Variants in COL6A5 observed in about 807,000 individuals in gnomAD.
COL6A5 encodes the protein collagen alpha-5(VI) chain.
COL6A5 carries 48 observed loss-of-function variants against 65.6 expected under a neutral mutation model. That is an observed-to-expected ratio of 0.73 (90% CI 0.58 to 0.93). The LOEUF is 0.93. Among genes scored for constraint, COL6A5 ranks in the 40% least tolerant of loss-of-function variants. The pLI, the probability that COL6A5 is intolerant of heterozygous loss-of-function variation, is 0.00. For synonymous variants in COL6A5, 291 were observed against 322.8 expected, an observed-to-expected ratio of 0.90 and a Z score of 1.05; for missense variants, 914 against 928.3, an observed-to-expected ratio of 0.98 and a Z score of 0.20.
intron 1 of COL6A5, among the ~76,000 whole-genome samples, chr3:130,355,064 T>C (rs1346186237): frequency 6.6e-6 from 1 of 152,162 alleles, no homozygotes; most frequent in Non-Finnish European, 1.5e-5. Flanking sequence ...TTTTTTACTT[T>C]TGTTAATGTG....
At chr3:130,426,226 AT>A in exon 30 of COL6A5, 1 of 1,551,292 alleles carries the variant, frequency 6.4e-7, no homozygotes, top group South Asian at 1.2e-5. Flanking sequence ...CATTAAAGGC[AT>A]GGCAGGGCAG....
chr3:130,401,907 G>A, intron 12 of COL6A5, 53 bp downstream of exon 12: 1 of 1,292,872 alleles, frequency 7.7e-7, no homozygotes, highest in Admixed American at 2.0e-5. Flanking sequence ...TTTGGTACAG[G>A]TGGGACTGAG....
chr3:130,475,890 C>G (rs1710080367), intron 7 of COL6A5, among the ~76,000 whole-genome samples: 2 of 152,062 alleles, frequency 1.3e-5, no homozygotes, highest in Admixed American at 1.3e-4. Context: ...ATTAATATCC[C>G]TAGTACACAG....
chr3:130,371,549 G>A (rs144195559), intron 1 of COL6A5, among the ~76,000 whole-genome samples: 13 of 151,752 alleles, frequency 8.6e-5, no homozygotes, highest in Middle Eastern at 6.8e-3. Flanking sequence ...TTTTGATGAG[G>A]GTGTGAAGAC....
intron 5 of COL6A5, among the ~76,000 whole-genome samples, chr3:130,388,361 T>TGCATGCAC (rs1346666159): frequency 2.1e-4 from 32 of 152,196 alleles, no homozygotes; most frequent in African/African-American, 7.2e-4. Context: ...CATGCATGCA[T>TGCATGCAC]GCATGAATAA....
upstream of COL6A5, among the ~76,000 whole-genome samples, chr3:130,429,820 C>A (rs1378150775): frequency 6.6e-6 from 1 of 152,160 alleles, no homozygotes; most frequent in Non-Finnish European, 1.5e-5. Context: ...GTCAGTTTCT[C>A]CCCAGTGCTG....
At chr3:130,395,670 G>A (rs929704250) in intron 8 of COL6A5, among the ~76,000 whole-genome samples, 1 of 152,236 alleles carries the variant, frequency 6.6e-6, no homozygotes, top group South Asian at 2.1e-4. Context: ...TGGAAAGGGT[G>A]CAGAGGCTAG....
At chr3:130,406,423 G>A in intron 17 of COL6A5, 102 bp downstream of exon 17, 1 of 885,284 alleles carries the variant, frequency 1.1e-6, no homozygotes, top group South Asian at 1.6e-5. Context: ...ATTTACAACT[G>A]ACTTAACCAC....
intron 25 of COL6A5, among the ~76,000 whole-genome samples, chr3:130,420,812 C>G (rs1937503083): frequency 6.6e-6 from 1 of 151,998 alleles, no homozygotes; most frequent in Non-Finnish European, 1.5e-5. Flanking sequence ...TGTCTATTGA[C>G]TATTTGTAAT....
intron 5 of COL6A5, among the ~76,000 whole-genome samples, chr3:130,462,133 T>A (rs1709716768): frequency 6.6e-6 from 1 of 152,100 alleles, no homozygotes; most frequent in Non-Finnish European, 1.5e-5. Context: ...GTGTCTATAT[T>A]TCCCTTAGGC....
At chr3:130,409,279 A>G in intron 17 of COL6A5, 47 bp from the exon 18 acceptor site, 1 of 1,463,026 alleles carries the variant, frequency 6.8e-7, no homozygotes, top group East Asian at 2.5e-5. Flanking sequence ...ACACCATTAT[A>G]CAAGCCTCCT....
chr3:130,403,633 A>C (rs934965116), exon 13 of COL6A5: 10 of 1,551,258 alleles, frequency 6.4e-6, no homozygotes, highest in Admixed American at 2.0e-5. Context: ...GAAAGGCAGC[A>C]GAGGACACAG....
chr3:130,399,852 A>G (rs1044156468), intron 10 of COL6A5, among the ~76,000 whole-genome samples: 3 of 151,980 alleles, frequency 2.0e-5, no homozygotes, highest in Non-Finnish European at 4.4e-5. Flanking sequence ...TCCCAGGTTC[A>G]AGCGATTCTC....
chr3:130,416,692 G>A (rs76820193), intron 23 of COL6A5, 65 bp from the exon 24 acceptor site: 39,708 of 922,336 alleles, frequency 0.043, 1,064 homozygotes, highest in South Asian at 0.083. Flanking sequence ...AAAGTGAAAT[G>A]TTTCTAATGG....
exon 1 of COL6A5, chr3:130,431,722 G>T: frequency 6.4e-7 from 1 of 1,551,556 alleles, no homozygotes; most frequent in South Asian, 1.2e-5. Flanking sequence ...AAAATATCAA[G>T]ACACCACAGA....
Position 130,471,077 on chromosome 3 carries a change from TG to T in COL6A5, c.2328+111del, listed in dbSNP as rs201005357. On this transcript the variant is annotated intron_variant, in intron 7 of 7. Transcript: ENST00000512836. The stretch of plus-strand genomic sequence containing the variant: ...TTCAAGATCCAAGTGTGTGTTTTTG[TG>T]TGTGTGTGTGTGTGTGTGTGTGTTT... 9.0e-3 allele frequency: 5,759 copies of T among 639,724 alleles called. 219 individuals are homozygous for T. The African/African-American group carries it at 0.1, about 11-fold the overall frequency. The allele number at this position is 639,724 out of a possible 1,614,324, so 39.6% of individuals were successfully genotyped here.
At chr3:130,384,072 GAGA>G (rs1577451755) in intron 4 of COL6A5, among the ~76,000 whole-genome samples, 4 of 152,072 alleles carry the variant, frequency 2.6e-5, no homozygotes, top group Admixed American at 2.6e-4. Flanking sequence ...ATAAGGAGAA[GAGA>G]AGACCTTTTT....
chr3:130,421,500 A>G, intron 27 of COL6A5, 140 bp downstream of exon 27: 1 of 772,068 alleles, frequency 1.3e-6, no homozygotes, highest in Non-Finnish European at 2.1e-6. Context: ...TCCTGAGGAA[A>G]GAATCATATT....
chr3:130,369,363 C>T (rs1347227321), intron 1 of COL6A5, among the ~76,000 whole-genome samples: 1 of 152,136 alleles, frequency 6.6e-6, no homozygotes, highest in Non-Finnish European at 1.5e-5. Flanking sequence ...TCTAAACCTC[C>T]AATAAACTGT....
Sources: allele counts gnomAD v4.1 joint callset (sites outside exome capture counted in the v4.1 genomes callset), GRCh38; gene constraint gnomAD v4.1.1; transcripts MANE v1.5; gene names NCBI Gene and HGNC (gene_info 2026-07-23, HGNC 2026-07-21).